COL18A1: variants seen among roughly 807,000 people sequenced by gnomAD.
The protein encoded by COL18A1 is collagen type XVIII alpha 1 chain.
Under a neutral mutation model 168.0 loss-of-function variants are expected in COL18A1, and 133 were observed. That is an observed-to-expected ratio of 0.79 (90% CI 0.69 to 0.91). COL18A1 has a LOEUF of 0.91. Ranked by LOEUF, COL18A1 falls within the 40% of genes least tolerant of loss-of-function variation. The probability of loss-of-function intolerance (pLI) is 0.00; values close to 1 mark genes in which losing one functional copy is unlikely to be tolerated. For missense variants in COL18A1, 2,126 were observed against 1,925.4 expected, an observed-to-expected ratio of 1.10 and a Z score of -1.95; for synonymous variants, 949 against 809.0, an observed-to-expected ratio of 1.17 and a Z score of -2.94.
chr21:45,478,287 A>G (rs774911728), intron 8 of COL18A1, 40 bp from the exon 9 acceptor site: 2 of 1,613,752 alleles, frequency 1.2e-6, no homozygotes, highest in Admixed American at 1.7e-5. Context: ...GCGCCGGAGG[A>G]GTCATTTCCC....
intron 12 of COL18A1, 59 bp downstream of exon 12, chr21:45,480,579 T>C (rs372736584): frequency 2.4e-4 from 384 of 1,613,632 alleles, no homozygotes; most frequent in Non-Finnish European, 3.1e-4. Flanking sequence ...GAACAGGCCA[T>C]GGACCCCCAA....
At chr21:45,451,151 C>T (rs922565393) in intron 2 of COL18A1, among the ~76,000 whole-genome samples, 5 of 152,228 alleles carry the variant, frequency 3.3e-5, no homozygotes, top group African/African-American at 9.6e-5. Context: ...TGGCTGCGTG[C>T]GGGTAGCCCA....
intron 2 of COL18A1, among the ~76,000 whole-genome samples, chr21:45,439,416 C>G (rs534123964): frequency 2.6e-5 from 4 of 152,374 alleles, no homozygotes; most frequent in African/African-American, 9.6e-5. Context: ...GAGGTCATGA[C>G]CTTTTACTTT....
chr21:45,426,418 G>A (rs8132616), intron 2 of COL18A1, among the ~76,000 whole-genome samples: 62,519 of 151,878 alleles, frequency 0.41, 15,103 homozygotes, highest in African/African-American at 0.68. Context: ...AGTTATTTTG[G>A]GAGAGGGCAG....
At chr21:45,442,155 T>A (rs2034387533) in intron 2 of COL18A1, among the ~76,000 whole-genome samples, 1 of 151,792 alleles carries the variant, frequency 6.6e-6, no homozygotes, top group Non-Finnish European at 1.5e-5. Context: ...TTGCCCACCG[T>A]AGCTGCTGTG....
intron 2 of COL18A1, among the ~76,000 whole-genome samples, chr21:45,453,144 A>G (rs956612446): frequency 1.3e-5 from 2 of 151,624 alleles, no homozygotes; most frequent in African/African-American, 2.4e-5. Context: ...GCGAGTATTC[A>G]CATGTGACAT....
intron 2 of COL18A1, among the ~76,000 whole-genome samples, chr21:45,411,290 G>C (rs1402078365): frequency 6.6e-6 from 1 of 152,190 alleles, no homozygotes; most frequent in East Asian, 1.9e-4. Flanking sequence ...TGGGGCTAAA[G>C]AGGCCAGCAG....
intron 22 of COL18A1, among the ~76,000 whole-genome samples, chr21:45,492,000 G>A (rs762539084): frequency 2.6e-5 from 4 of 152,226 alleles, no homozygotes; most frequent in Non-Finnish European, 5.9e-5. Context: ...AGCAGGCACC[G>A]TCAGCTGTGT....
chr21:45,413,519 GC>G (rs2033358903), intron 2 of COL18A1, among the ~76,000 whole-genome samples: 1 of 152,278 alleles, frequency 6.6e-6, no homozygotes, highest in Admixed American at 6.5e-5. Flanking sequence ...CCAGCGAGGA[GC>G]TTTCTTGTGA....
In COL18A1 at chr21:45,489,473, T is replaced by C. The variant is rs1376572796; in HGVS notation, c.1924-13T>C. The stretch of plus-strand genomic sequence containing the variant: ...CCCCAGCAGGTGCTCACGGAGCCCC[T>C]TTTTTCACTTAGGGGGATCCTGGCG... On this transcript the variant is annotated splice_polypyrimidine_tract_variant and intron_variant, in intron 18 of 41. Transcript: ENST00000651438. The C allele has an allele frequency of 1.8e-5, 28 of 1,590,872 alleles. No homozygotes were observed. Among genetic ancestry groups the C allele is most frequent in the Non-Finnish European group, 2.2e-5 (26 of 1,166,946 alleles).
intron 15 of COL18A1, among the ~76,000 whole-genome samples, chr21:45,485,335 C>A (rs1219531629): frequency 6.7e-6 from 1 of 148,756 alleles, no homozygotes; most frequent in Admixed American, 6.7e-5. Flanking sequence ...TTTTAAAGAT[C>A]AAAAATTAGA....
Position 45,477,959 on chromosome 21 carries a change from C to A in COL18A1, c.1215C>A (p.Gly405=). 6.6e-7 allele frequency: 1 copy of A among 1,508,376 alleles called. No homozygotes were observed. The highest frequency in any genetic ancestry group is 9.0e-7 in the Non-Finnish European group (1 of 1,109,234). The allele number at this position is 1,508,376 out of a possible 1,614,324, so 93.4% of individuals were successfully genotyped here. Residue 405 remains glycine (G), a synonymous_variant, in exon 8 of 42, where the codon GGC becomes GGA. Transcript: ENST00000651438. ...GGGACGGCACCCCTGGAAGGGACGG[C>A]GAGCCGGTGAGTCCTCACGTCCCCC... The part of the protein sequence containing the change: ...PGRDGTPGRD[G]EPGDPGEDGK...
intron 2 of COL18A1, chr21:45,467,516 T>C (rs1452242314): frequency 5.8e-6 from 5 of 865,526 alleles, no homozygotes; most frequent in Non-Finnish European, 5.6e-6. Context: ...CCTTGCCACA[T>C]GAAGCACCTG....
Position 45,405,445 on chromosome 21 carries a change from C to A in COL18A1, c.78C>A (p.Leu26=). 1.4e-6 allele frequency: 2 copies of A among 1,380,932 alleles called. No homozygotes were observed. The highest frequency in any genetic ancestry group is 1.9e-6 in the Non-Finnish European group (2 of 1,059,472). The allele number at this position is 1,380,932 out of a possible 1,614,324, so 85.5% of individuals were successfully genotyped here. A position where few individuals can be genotyped will look rare whatever the true frequency, so the allele number is the denominator to read the frequency against. Residue 26 remains leucine, a synonymous_variant, in exon 2 of 42, where the codon CTC becomes CTA. Coordinates refer to ENST00000651438, the MANE Select transcript of COL18A1 (RefSeq NM_001379500.1). ...TGCTCGCGCCCCTGGTCCTGCTGCT[C>A]GGGGTCCGCGCGGCCTCCGCGGAGC... is the stretch of plus-strand genomic sequence containing the variant. ...LDVLAPLVLL[L]GVRAASAEPE...
chr21:45,479,719 G>T (rs544886108), intron 9 of COL18A1, among the ~76,000 whole-genome samples, 183 bp from the exon 10 acceptor site: 6 of 152,108 alleles, frequency 3.9e-5, no homozygotes, highest in Admixed American at 3.9e-4. Flanking sequence ...CGTGGCTGGC[G>T]AAATGGGCTC....
In COL18A1 at chr21:45,425,060, G is replaced by A. The variant is rs1296986153; in HGVS notation, c.106+19587G>A. On this transcript the variant is annotated intron_variant, in intron 2 of 41. Coordinates refer to ENST00000651438, the MANE Select transcript of COL18A1 (RefSeq NM_001379500.1). The surrounding 1 kb of genome is among the most constrained non-coding windows in gnomAD (Gnocchi z 4.1). ...GTTTCTCAGATGCCCCGGGCTCGGGGGCCAGTCAGTCTCATGAGGACGGGG... is the reference window on the plus strand; with the variant it reads ...GTTTCTCAGATGCCCCGGGCTCGGGAGCCAGTCAGTCTCATGAGGACGGGG... 6.6e-6 allele frequency: 1 copy of A among 152,212 alleles called. No homozygotes were observed. The highest frequency in any genetic ancestry group is 1.5e-5 in the Non-Finnish European group (1 of 68,058). The allele number at this position is 152,212 out of a possible 1,614,324, so 9.4% of individuals were successfully genotyped here.
chr21:45,478,143 C>T (rs1248473054), intron 8 of COL18A1, 178 bp downstream of exon 8: 13 of 824,688 alleles, frequency 1.6e-5, no homozygotes, highest in East Asian at 2.7e-5. Context: ...ACGTGGGAGG[C>T]GGAGCTGCTC....
At chr21:45,406,302 G>T (rs1230281733) in intron 2 of COL18A1, among the ~76,000 whole-genome samples, 1 of 152,222 alleles carries the variant, frequency 6.6e-6, no homozygotes, top group Non-Finnish European at 1.5e-5. Flanking sequence ...CACGCAGCCA[G>T]CGCCTGCCTC....
At position 45,473,545 on chromosome 21, in the gene COL18A1, C is replaced by T. The variant is rs2035524869; in HGVS notation, c.652-350C>T. On this transcript the variant is annotated intron_variant, in intron 3 of 41. Coordinates refer to ENST00000651438, the MANE Select transcript of COL18A1 (RefSeq NM_001379500.1). This position sits in a 1 kb window ranked among gnomAD's most constrained non-coding sequence, Gnocchi z 4.0. ...GGGTTGGGGGACTTGACCTGCAGCC[C>T]CTCGAATCTGCCCGCCCTCCCAGGC... Among the ~76,000 whole-genome samples the T allele has an allele frequency of 6.6e-6, 1 of 152,118 alleles. No homozygotes were observed. The highest frequency in any genetic ancestry group is 1.5e-5 in the Non-Finnish European group (1 of 68,018).
Sources: allele counts gnomAD v4.1 joint callset (sites outside exome capture counted in the v4.1 genomes callset), GRCh38; gene constraint gnomAD v4.1.1; non-coding constraint Gnocchi (gnomAD v3.1); transcripts MANE v1.5; gene names NCBI Gene and HGNC (gene_info 2026-07-23, HGNC 2026-07-21).